Variants in MAPKAP1 observed in about 807,000 individuals in gnomAD.
MAPKAP1 encodes the protein target of rapamycin complex 2 subunit MAPKAP1.
In MAPKAP1, 20 loss-of-function variants were observed where a neutral mutation model predicts 65.7. That is an observed-to-expected ratio of 0.30 (90% CI 0.21 to 0.44). The LOEUF (loss-of-function observed/expected upper bound fraction) is 0.44. Among genes scored for constraint, MAPKAP1 ranks in the 20% least tolerant of loss-of-function variants. The pLI is 1.00. For missense variants in MAPKAP1, 423 were observed against 648.0 expected, an observed-to-expected ratio of 0.65 and a Z score of 3.77; for synonymous variants, 222 against 244.3, an observed-to-expected ratio of 0.91 and a Z score of 0.85.
At chr9:125,622,817 C>T (rs1464645445) in intron 4 of MAPKAP1, among the ~76,000 whole-genome samples, 4 of 151,774 alleles carry the variant, frequency 2.6e-5, no homozygotes, top group Non-Finnish European at 4.4e-5. Flanking sequence ...CCCCTCTCCC[C>T]TCTCCCCTCT....
intron 5 of MAPKAP1, among the ~76,000 whole-genome samples, chr9:125,573,501 A>G (rs965709696): frequency 1.3e-5 from 2 of 152,268 alleles, no homozygotes; most frequent in African/African-American, 4.8e-5. Context: ...ATGGGCAACC[A>G]GCAGCCCCAA....
intron 7 of MAPKAP1, among the ~76,000 whole-genome samples, chr9:125,529,953 C>A (rs986223081): frequency 1.3e-5 from 2 of 152,146 alleles, no homozygotes; most frequent in Admixed American, 6.6e-5. Context: ...TGCAGATATG[C>A]GGCAGAAAGT....
chr9:125,562,573 T>C (rs1463847411), intron 5 of MAPKAP1, among the ~76,000 whole-genome samples: 1 of 152,236 alleles, frequency 6.6e-6, no homozygotes, highest in Non-Finnish European at 1.5e-5. Flanking sequence ...TTGGTGCTTT[T>C]ATAAAGGAAT....
At chr9:125,484,643 G>C in intron 8 of MAPKAP1, 60 bp from the exon 9 acceptor site, 1 of 1,502,806 alleles carries the variant, frequency 6.7e-7, no homozygotes, top group Non-Finnish European at 9.0e-7. Context: ...AATGGTGTCT[G>C]CTTAAAATGC....
intron 8 of MAPKAP1, among the ~76,000 whole-genome samples, chr9:125,490,058 C>G (rs1252381940): frequency 6.6e-6 from 1 of 152,206 alleles, no homozygotes; most frequent in Non-Finnish European, 1.5e-5. Flanking sequence ...CTGTAATAGA[C>G]TGTTGAGTCG....
At chr9:125,603,008 T>C (rs1483917451) in intron 4 of MAPKAP1, among the ~76,000 whole-genome samples, 3 of 152,044 alleles carry the variant, frequency 2.0e-5, no homozygotes, top group Non-Finnish European at 2.9e-5. Flanking sequence ...AATCCTCACA[T>C]CTCAACCTCC....
chr9:125,684,982 C>A (rs890227709), intron 1 of MAPKAP1, among the ~76,000 whole-genome samples: 3 of 152,224 alleles, frequency 2.0e-5, no homozygotes, highest in Non-Finnish European at 4.4e-5. Flanking sequence ...TTGCTCCCTC[C>A]ATGTGCCCAT....
chr9:125,637,973 T>C (rs765371516), intron 4 of MAPKAP1, among the ~76,000 whole-genome samples: 3 of 152,160 alleles, frequency 2.0e-5, no homozygotes, highest in Admixed American at 6.5e-5. Context: ...GGTTTCACCA[T>C]GTTGGCCAGG....
In MAPKAP1 at chr9:125,620,296, A is replaced by G. The variant is rs560301642; in HGVS notation, c.499-34569T>C. 1.3e-4 allele frequency among the ~76,000 whole-genome samples: 20 copies of G among 151,076 alleles called. No homozygotes were observed. The South Asian group carries it at 4.2e-3, about 32-fold the overall frequency. On this transcript the variant is annotated intron_variant, in intron 4 of 11. Coordinates refer to ENST00000265960, the MANE Select transcript of MAPKAP1 (RefSeq NM_001006617.3). ...GCACTCCAGCCTGGATGACAGAGCG[A>G]AAAAAAAAATTATACAGATTCATTT...
chr9:125,559,585 A>G (rs550544471), intron 6 of MAPKAP1, 48 bp downstream of exon 6: 3 of 1,537,216 alleles, frequency 2.0e-6, no homozygotes, highest in African/African-American at 2.8e-5. Context: ...CCAAAATGCT[A>G]GAAGGTTGGG....
chr9:125,531,625 T>A (rs143802446), intron 7 of MAPKAP1, among the ~76,000 whole-genome samples: 1 of 152,358 alleles, frequency 6.6e-6, no homozygotes, highest in Non-Finnish European at 1.5e-5. Context: ...GTATCAACAG[T>A]ATCTAAATGA....
intron 1 of MAPKAP1, among the ~76,000 whole-genome samples, chr9:125,677,046 A>G (rs1314683270): frequency 6.6e-6 from 1 of 152,218 alleles, no homozygotes; most frequent in African/African-American, 2.4e-5. Context: ...TTCACAGAAC[A>G]AGGTTTAGAA....
intron 1 of MAPKAP1, among the ~76,000 whole-genome samples, chr9:125,697,329 T>A (rs1314143723): frequency 6.6e-6 from 1 of 152,246 alleles, no homozygotes; most frequent in Non-Finnish European, 1.5e-5. Context: ...ATATCAATTT[T>A]AAACTATGAT....
intron 4 of MAPKAP1, among the ~76,000 whole-genome samples, chr9:125,622,564 G>C (rs545558768): frequency 6.6e-6 from 1 of 151,992 alleles, no homozygotes; most frequent in African/African-American, 2.4e-5. Flanking sequence ...TCCTGCCTCA[G>C]CCTCCTGAGT....
At chr9:125,698,399 G>A (rs756791746) in intron 1 of MAPKAP1, among the ~76,000 whole-genome samples, 17 of 145,494 alleles carry the variant, frequency 1.2e-4, no homozygotes, top group Non-Finnish European at 2.1e-4. Context: ...GTGCAATGGC[G>A]CAATCTTGGC....
At chr9:125,506,908 T>C (rs1829158778) in intron 7 of MAPKAP1, among the ~76,000 whole-genome samples, 1 of 151,648 alleles carries the variant, frequency 6.6e-6, no homozygotes, top group Non-Finnish European at 1.5e-5. Context: ...AGAACTCTAA[T>C]ATAATAACAG....
intron 9 of MAPKAP1, among the ~76,000 whole-genome samples, chr9:125,476,258 T>G (rs1323179314): frequency 6.6e-6 from 1 of 152,252 alleles, no homozygotes; most frequent in Non-Finnish European, 1.5e-5. Context: ...CTCTGCCTCA[T>G]CAGTTCATTA....
intron 11 of MAPKAP1, among the ~76,000 whole-genome samples, chr9:125,440,026 G>A (rs914819421): frequency 2.6e-5 from 4 of 152,322 alleles, no homozygotes; most frequent in African/African-American, 4.8e-5. Context: ...GCAGGGGCAC[G>A]CCACAAGGGA....
intron 8 of MAPKAP1, among the ~76,000 whole-genome samples, chr9:125,501,776 A>C (rs1589240136): frequency 1.3e-5 from 2 of 152,112 alleles, no homozygotes; most frequent in East Asian, 3.9e-4. Flanking sequence ...TAATTTTAAT[A>C]TTTTTGGTAT....
Sources: allele counts gnomAD v4.1 joint callset (sites outside exome capture counted in the v4.1 genomes callset), GRCh38; gene constraint gnomAD v4.1.1; transcripts MANE v1.5; gene names NCBI Gene and HGNC (gene_info 2026-07-23, HGNC 2026-07-21).